The following ELAVL2 variants were observed in gnomAD, a reference collection of about 807,000 sequenced individuals.
ELAVL2 encodes ELAV-like protein 2.
ELAVL2 carries 4 observed loss-of-function variants against 34.6 expected under a neutral mutation model. The observed-to-expected ratio is 0.12, with a 90% confidence interval of 0.06 to 0.26. The LOEUF is 0.26. Ranked by LOEUF, ELAVL2 falls within the 10% of genes least tolerant of loss-of-function variation. ELAVL2 has a pLI of 1.00. For synonymous variants in ELAVL2, 193 were observed against 154.8 expected (o/e 1.25, Z -1.83); for missense variants, 432 against 442.8 (o/e 0.98, Z 0.22).
At chr9:23,703,383 A>T (rs2038146392) in intron 4 of ELAVL2, among the ~76,000 whole-genome samples, 1 of 152,224 alleles carries the variant, frequency 6.6e-6, no homozygotes, top group African/African-American at 2.4e-5. Context: ...AGTCTATGTG[A>T]TAACAACACA....
intron 1 of ELAVL2, among the ~76,000 whole-genome samples, chr9:23,772,235 C>G (rs148297732): frequency 6.6e-6 from 1 of 151,990 alleles, no homozygotes; most frequent in Non-Finnish European, 1.5e-5. Flanking sequence ...CAAATTAATC[C>G]CAGTAGTTGA....
At chr9:23,812,422 A>G (rs1346297515) in intron 1 of ELAVL2, among the ~76,000 whole-genome samples, 3 of 152,154 alleles carry the variant, frequency 2.0e-5, no homozygotes, top group African/African-American at 7.2e-5. Context: ...CTTATTGCAC[A>G]GTAGAAGCTC....
At chr9:23,844,562 G>T in the ELAVL2 span, among the ~76,000 whole-genome samples, 4 of 151,888 alleles carry the variant, frequency 2.6e-5, no homozygotes, top group African/African-American at 7.3e-5. Flanking sequence ...TAGTATTTTA[G>T]ATTTTGTTAA....
At chr9:23,752,911 G>A (rs924915755) in intron 2 of ELAVL2, among the ~76,000 whole-genome samples, 8 of 152,138 alleles carry the variant, frequency 5.3e-5, no homozygotes, top group Non-Finnish European at 1.0e-4. Context: ...TTACTGAGTG[G>A]AGTCTGAAAA....
intron 3 of ELAVL2, among the ~76,000 whole-genome samples, chr9:23,709,189 G>A (rs1463022355): frequency 6.6e-6 from 1 of 152,068 alleles, no homozygotes; most frequent in Non-Finnish European, 1.5e-5. Flanking sequence ...ACTGTTCTTG[G>A]AATTAAAACA....
chr9:23,693,991 C>T lies in ELAVL2; in HGVS notation c.714-505G>A, dbSNP rs949002048. 3.0e-4 allele frequency among the ~76,000 whole-genome samples: 45 copies of T among 152,138 alleles called. 1 individual carries two copies. The highest frequency in any genetic ancestry group is 2.9e-3 in the Admixed American group (45 of 15,282). The stretch of plus-strand genomic sequence containing the variant: ...TATACATTTTCCTTTCATTTCCCAA[C>T]TTTGAAGGGCTTTCATCTTTTAGAA... On this transcript the variant is annotated intron_variant, in intron 5 of 6. Transcript: ENST00000397312.
At chr9:23,816,784 C>T (rs2063777501) in intron 1 of ELAVL2, among the ~76,000 whole-genome samples, 1 of 152,168 alleles carries the variant, frequency 6.6e-6, no homozygotes, top group African/African-American at 2.4e-5. Context: ...AAAATGGATA[C>T]TCTGTGTTGC....
chr9:23,700,300 T>C (rs1163619509), intron 5 of ELAVL2, among the ~76,000 whole-genome samples: 4 of 152,216 alleles, frequency 2.6e-5, no homozygotes, highest in Admixed American at 6.5e-5. Context: ...AAAAATGTCC[T>C]GGAAAATAAA....
intron 3 of ELAVL2, among the ~76,000 whole-genome samples, chr9:23,713,842 C>G (rs2041645771): frequency 6.6e-6 from 1 of 152,106 alleles, no homozygotes; most frequent in Admixed American, 6.5e-5. Context: ...TGGACCAGAA[C>G]CCTCCCATGT....
At chr9:23,722,611 T>A (rs1218626106) in intron 3 of ELAVL2, among the ~76,000 whole-genome samples, 1 of 152,212 alleles carries the variant, frequency 6.6e-6, no homozygotes, top group Non-Finnish European at 1.5e-5. Context: ...TAGAGTGGTA[T>A]CTGAGCAAAA....
intron 3 of ELAVL2, among the ~76,000 whole-genome samples, chr9:23,729,006 C>T (rs2045919136): frequency 6.6e-6 from 1 of 152,122 alleles, no homozygotes; most frequent in South Asian, 2.1e-4. Flanking sequence ...GTGCTTTCTT[C>T]CACATATTCA....
At chr9:23,724,587 C>T (rs574879654) in intron 3 of ELAVL2, among the ~76,000 whole-genome samples, 1 of 152,216 alleles carries the variant, frequency 6.6e-6, no homozygotes, top group African/African-American at 2.4e-5. Flanking sequence ...GGGCATTATA[C>T]AAATAACAAT....
chr9:23,748,212 T>G (rs753077266), intron 2 of ELAVL2, among the ~76,000 whole-genome samples: 11 of 151,840 alleles, frequency 7.2e-5, no homozygotes, highest in Non-Finnish European at 1.5e-4. Flanking sequence ...GAGAAAAAAA[T>G]GGAAGAACTA....
chr9:23,832,857 G>A, the ELAVL2 span, among the ~76,000 whole-genome samples: 2 of 152,044 alleles, frequency 1.3e-5, no homozygotes, highest in Non-Finnish European at 2.9e-5. Context: ...GTTGGAAAAA[G>A]TGAGAAAAAT....
upstream of ELAVL2, among the ~76,000 whole-genome samples, chr9:23,828,055 G>A (rs968905529): frequency 3.3e-5 from 5 of 152,062 alleles, no homozygotes; most frequent in African/African-American, 1.2e-4. Context: ...CAAGAAGAAA[G>A]AAAAGCACTT....
intron 1 of ELAVL2, among the ~76,000 whole-genome samples, chr9:23,767,979 C>G (rs1013436552): frequency 6.6e-6 from 1 of 152,112 alleles, no homozygotes; most frequent in Non-Finnish European, 1.5e-5. Context: ...TTGCTCCAGC[C>G]ACTCCATTGC....
upstream of ELAVL2, among the ~76,000 whole-genome samples, chr9:23,828,299 A>T (rs1281282786): frequency 6.6e-6 from 1 of 152,214 alleles, no homozygotes; most frequent in African/African-American, 2.4e-5. Flanking sequence ...CCATGCTCGT[A>T]GGTTAATATT....
At chr9:23,720,681 C>T (rs570810768) in intron 3 of ELAVL2, among the ~76,000 whole-genome samples, 2 of 152,272 alleles carry the variant, frequency 1.3e-5, no homozygotes, top group East Asian at 3.9e-4. Flanking sequence ...TAGTGAATCC[C>T]AGCCATTCAA....
In ELAVL2 at chr9:23,768,974, T is replaced by C. The variant is rs529711516; in HGVS notation, c.-15-6725A>G. 1.1e-4 allele frequency among the ~76,000 whole-genome samples: 17 copies of C among 152,260 alleles called. No homozygotes were observed. In the South Asian group the frequency reaches 3.1e-3, roughly 28 times the overall value. ...TCATGGCTAGAGGCAAAGACAAGCT[T>C]ATCTCTCAGGCTGGAAAGGTCCAGC... On this transcript the variant is annotated intron_variant, in intron 1 of 6. Coordinates refer to ENST00000397312, the MANE Select transcript of ELAVL2 (RefSeq NM_004432.5).
Sources: gnomAD v4.1 joint callset for allele counts (sites outside exome capture counted in the v4.1 genomes callset) on GRCh38, gnomAD v4.1.1 for gene constraint, MANE v1.5 for transcripts, NCBI Gene and HGNC (gene_info 2026-07-23, HGNC 2026-07-21) for gene names.